Variants in NKAIN2 observed in about 807,000 individuals in gnomAD.
NKAIN2 encodes sodium/potassium-transporting ATPase subunit beta-1-interacting protein 2.
In NKAIN2, 14 loss-of-function variants were observed where a neutral mutation model predicts 32.6. The observed-to-expected ratio is 0.43, with a 90% CI of 0.28 to 0.67. NKAIN2 has a LOEUF of 0.67. Ranked by LOEUF, NKAIN2 falls within the 30% of genes least tolerant of loss-of-function variation. NKAIN2 has a pLI of 0.17. For missense variants in NKAIN2, 198 were observed against 258.3 expected, an observed-to-expected ratio of 0.77 and a Z score of 1.60; for synonymous variants, 80 against 87.2, an observed-to-expected ratio of 0.92 and a Z score of 0.46.
At chr6:124,251,591 A>G (rs924950009) in intron 1 of NKAIN2, among the ~76,000 whole-genome samples, 2 of 152,058 alleles carry the variant, frequency 1.3e-5, no homozygotes, top group Non-Finnish European at 2.9e-5. Flanking sequence ...AATTATCTCT[A>G]TAAATATTAA....
In NKAIN2 at chr6:124,282,126, C is replaced by T. The variant is rs529758341; in HGVS notation, c.55-879C>T. The T allele has an allele frequency of 1.6e-4, 39 of 243,000 alleles. 1 individual carries two copies. Among genetic ancestry groups the T allele is most frequent in the South Asian group, 1.5e-3 (36 of 24,534 alleles). The allele number at this position is 243,000 out of a possible 1,614,324, so 15.1% of individuals were successfully genotyped here. A position where few individuals can be genotyped will look rare whatever the true frequency, so the allele number is the denominator to read the frequency against. ...ACTTTGGGATGTAAAATGGTACTTC[C>T]GGACTACCCACTAATCTCAGTTTGT... is the stretch of plus-strand genomic sequence containing the variant. On this transcript the variant is annotated intron_variant, in intron 1 of 6. Coordinates refer to ENST00000368417, the MANE Select transcript of NKAIN2 (RefSeq NM_001040214.3).
At chr6:123,932,021 T>C (rs1027145790) in intron 1 of NKAIN2, among the ~76,000 whole-genome samples, 2 of 152,222 alleles carry the variant, frequency 1.3e-5, no homozygotes, top group Non-Finnish European at 2.9e-5. Flanking sequence ...CACTCTCTGC[T>C]TTGTGGCATA....
intron 3 of NKAIN2, among the ~76,000 whole-genome samples, chr6:124,640,273 T>A (rs534403268): frequency 6.6e-6 from 1 of 152,296 alleles, no homozygotes; most frequent in African/African-American, 2.4e-5. Flanking sequence ...ATTGCCTTGT[T>A]TCTTAAATGT....
intron 1 of NKAIN2, among the ~76,000 whole-genome samples, chr6:124,097,401 TAAAA>T (rs35090835): frequency 3.8e-5 from 5 of 132,456 alleles, no homozygotes; most frequent in African/African-American, 8.4e-5. Context: ...GACTTCGTCT[TAAAA>T]AAAAAAAAAA....
intron 2 of NKAIN2, among the ~76,000 whole-genome samples, chr6:124,347,267 AT>A (rs1474391484): frequency 6.6e-6 from 1 of 151,784 alleles, no homozygotes; most frequent in East Asian, 1.9e-4. Flanking sequence ...TGCCTTTAAC[AT>A]TTTTTCCTTC....
At chr6:123,997,764 C>T (rs532020989) in intron 1 of NKAIN2, among the ~76,000 whole-genome samples, 13 of 151,764 alleles carry the variant, frequency 8.6e-5, no homozygotes, top group South Asian at 2.1e-4. Flanking sequence ...CCACCACGCC[C>T]GGCTAATTTT....
At chr6:124,768,095 A>G (rs1385988524) in intron 4 of NKAIN2, among the ~76,000 whole-genome samples, 1 of 152,238 alleles carries the variant, frequency 6.6e-6, no homozygotes, top group African/African-American at 2.4e-5. Context: ...TAAAATCAAC[A>G]GAGTGTTTAC....
At chr6:123,851,891 C>T (rs1775361989) in intron 1 of NKAIN2, among the ~76,000 whole-genome samples, 1 of 152,138 alleles carries the variant, frequency 6.6e-6, no homozygotes, top group Non-Finnish European at 1.5e-5. Flanking sequence ...ACTGTCACTT[C>T]AGTCTGTTTA....
intron 1 of NKAIN2, among the ~76,000 whole-genome samples, chr6:123,981,379 A>T (rs1036609096): frequency 1.3e-5 from 2 of 152,214 alleles, no homozygotes; most frequent in Middle Eastern, 3.2e-3. Context: ...AGTTCTGATT[A>T]TTCAGAGAAC....
intron 3 of NKAIN2, chr6:124,490,338 G>C (rs1342007232): frequency 9.2e-6 from 4 of 432,822 alleles, no homozygotes. Flanking sequence ...ACACTTTCTA[G>C]ATGGAATTAC....
intron 1 of NKAIN2, among the ~76,000 whole-genome samples, chr6:124,160,895 T>G (rs1788241988): frequency 6.6e-6 from 1 of 152,208 alleles, no homozygotes; most frequent in Non-Finnish European, 1.5e-5. Flanking sequence ...TCCTTTGTTT[T>G]AAATTTCAAG....
intron 1 of NKAIN2, among the ~76,000 whole-genome samples, chr6:123,898,436 A>T (rs1323407333): frequency 2.0e-5 from 3 of 152,230 alleles, no homozygotes; most frequent in African/African-American, 7.2e-5. Context: ...CATAAGCAGC[A>T]GAGCAAATTT....
chr6:123,932,636 C>G (rs1582801499), intron 1 of NKAIN2, among the ~76,000 whole-genome samples: 2 of 152,028 alleles, frequency 1.3e-5, no homozygotes, highest in Non-Finnish European at 2.9e-5. Context: ...CCAGGATGGT[C>G]CCGATCTCCT....
chr6:124,761,445 G>T (rs1303636826), intron 4 of NKAIN2, among the ~76,000 whole-genome samples: 1 of 152,120 alleles, frequency 6.6e-6, no homozygotes, highest in African/African-American at 2.4e-5. Context: ...CCACTCATTT[G>T]TTCTCTAACC....
chr6:124,490,415 T>TTTC, intron 3 of NKAIN2: 1 of 405,022 alleles, frequency 2.5e-6, no homozygotes. Context: ...CATAGAGGTT[T>TTTC]TTTTTTTTTT....
intron 3 of NKAIN2, among the ~76,000 whole-genome samples, chr6:124,359,545 G>A (rs1237927582): frequency 6.6e-6 from 1 of 152,104 alleles, no homozygotes; most frequent in Non-Finnish European, 1.5e-5. Flanking sequence ...TTGTGAATGG[G>A]AGTTCACTCA....
At chr6:124,526,357 T>G (rs1415806624) in intron 3 of NKAIN2, among the ~76,000 whole-genome samples, 1 of 152,138 alleles carries the variant, frequency 6.6e-6, no homozygotes, top group Non-Finnish European at 1.5e-5. Flanking sequence ...ACATAGCAAC[T>G]ACATGGGTTA....
rs139794048 is a variant in NKAIN2, at chr6:124,223,861, A to G, written c.55-59144A>G. On this transcript the variant is annotated intron_variant, in intron 1 of 6. Transcript: ENST00000368417. ...CATGACAAAGACAATGAAAATATAG[A>G]GATCTGCATAGTAATACAAAATGAG... is the stretch of plus-strand genomic sequence containing the variant. Among the ~76,000 whole-genome samples the G allele has an allele frequency of 1.3e-3, 197 of 152,324 alleles. 1 individual carries two copies. The highest frequency in any genetic ancestry group is 2.1e-3 in the Non-Finnish European group (144 of 68,028).
intron 3 of NKAIN2, among the ~76,000 whole-genome samples, chr6:124,512,276 A>C (rs186483198): frequency 6.6e-6 from 1 of 152,246 alleles, no homozygotes; most frequent in East Asian, 1.9e-4. Flanking sequence ...TGATCTTCCT[A>C]TTTTATCTCT....
Sources: gnomAD v4.1 joint callset for allele counts (sites outside exome capture counted in the v4.1 genomes callset) on GRCh38, gnomAD v4.1.1 for gene constraint, MANE v1.5 for transcripts, NCBI Gene and HGNC (gene_info 2026-07-23, HGNC 2026-07-21) for gene names.